Variants in AMOTL1 observed in about 807,000 individuals in gnomAD.
The protein encoded by AMOTL1 is angiomotin-like protein 1.
In AMOTL1, 45 loss-of-function variants were observed where a neutral mutation model predicts 102.9. The ratio of observed to expected loss-of-function variants is 0.44; its 90% CI spans 0.34 to 0.56. The LOEUF is 0.56. AMOTL1 is among the 20% of genes least tolerant of loss of function. The pLI is 0.01. For missense variants in AMOTL1, 1,114 were observed against 1,225.6 expected (o/e 0.91, Z 1.36); for synonymous variants, 481 against 484.7 (o/e 0.99, Z 0.10).
At chr11:94,760,081 T>C (rs965035879) in intron 3 of AMOTL1, among the ~76,000 whole-genome samples, 1 of 152,190 alleles carries the variant, frequency 6.6e-6, no homozygotes, top group Non-Finnish European at 1.5e-5. Context: ...ACAGCTAAAG[T>C]TTAAGAACTA....
intron 1 of AMOTL1, among the ~76,000 whole-genome samples, chr11:94,771,726 G>A (rs188344723): frequency 6.6e-6 from 1 of 152,134 alleles, no homozygotes; most frequent in Admixed American, 6.5e-5. Flanking sequence ...CTGCTCTCAC[G>A]GCCAGGCCTT....
chr11:94,719,397 A>G (rs1209369679), intron 1 of AMOTL1, among the ~76,000 whole-genome samples: 1 of 152,102 alleles, frequency 6.6e-6, no homozygotes, highest in Non-Finnish European at 1.5e-5. Context: ...TATAATGTAC[A>G]TTATATGAGT....
intron 1 of AMOTL1, among the ~76,000 whole-genome samples, chr11:94,768,851 C>T (rs1290923602): frequency 1.3e-5 from 2 of 151,924 alleles, no homozygotes; most frequent in African/African-American, 4.8e-5. Context: ...GCGGGGCTGG[C>T]CTTTCCTGAG....
At chr11:94,844,328 T>C (rs1360846946) in intron 6 of AMOTL1, among the ~76,000 whole-genome samples, 6 of 152,144 alleles carry the variant, frequency 3.9e-5, no homozygotes, top group East Asian at 1.9e-4. Context: ...TCTCTCTCTC[T>C]CCCTTCCTTT....
intron 2 of AMOTL1, among the ~76,000 whole-genome samples, chr11:94,739,914 A>G (rs1950492544): frequency 6.6e-6 from 1 of 152,178 alleles, no homozygotes; most frequent in Non-Finnish European, 1.5e-5. Context: ...TAGAATTTAC[A>G]GTTCTCAGAG....
At chr11:94,797,228 G>T (rs1265244755) in intron 2 of AMOTL1, among the ~76,000 whole-genome samples, 1 of 152,194 alleles carries the variant, frequency 6.6e-6, no homozygotes, top group Non-Finnish European at 1.5e-5. Flanking sequence ...GGTTTATAGA[G>T]GAGGATATTG....
intron 1 of AMOTL1, among the ~76,000 whole-genome samples, chr11:94,782,728 T>A (rs1268545849): frequency 6.6e-6 from 1 of 152,230 alleles, no homozygotes; most frequent in Non-Finnish European, 1.5e-5. Flanking sequence ...TAAAATACGC[T>A]TTCTTTTGCC....
upstream of AMOTL1, among the ~76,000 whole-genome samples, chr11:94,766,157 C>A (rs946396303): frequency 6.6e-6 from 1 of 152,192 alleles, no homozygotes; most frequent in African/African-American, 2.4e-5. Context: ...TTCTTTATGA[C>A]ATCTGGTATC....
chr11:94,755,311 A>G (rs1350059640), intron 3 of AMOTL1, among the ~76,000 whole-genome samples: 1 of 152,152 alleles, frequency 6.6e-6, no homozygotes, highest in Non-Finnish European at 1.5e-5. Flanking sequence ...TTCTTTTAGC[A>G]GAAGCTCATG....
At chr11:94,860,528 C>G (rs894203355) in intron 9 of AMOTL1, among the ~76,000 whole-genome samples, 1 of 152,210 alleles carries the variant, frequency 6.6e-6, no homozygotes, top group Non-Finnish European at 1.5e-5. Flanking sequence ...GCAAGGCACT[C>G]TTGACCTTTG....
Position 94,717,388 on chromosome 11 carries a change from A to T in AMOTL1, c.-51+10791A>T, listed in dbSNP as rs572694553. Among the ~76,000 whole-genome samples the T allele has an allele frequency of 1.2e-4, 18 of 149,980 alleles. No individual in the cohort carries two copies. In the East Asian group the frequency reaches 2.7e-3, roughly 23 times the overall value. The stretch of plus-strand genomic sequence containing the variant: ...AGATAATTAAAGCATGTCAGAAAAT[A>T]TAATTATTAAAGTATGGGTACAAAA... On this transcript the variant is annotated intron_variant, in intron 1 of 4. Coordinates refer to the AMOTL1 transcript ENST00000299004.
intron 3 of AMOTL1, among the ~76,000 whole-genome samples, chr11:94,758,047 G>A (rs1474091805): frequency 6.6e-6 from 1 of 152,204 alleles, no homozygotes; most frequent in African/African-American, 2.4e-5. Flanking sequence ...GGGCAATAGA[G>A]TGAGACTCCA....
At chr11:94,707,497 T>C (rs1206470762) in intron 1 of AMOTL1, among the ~76,000 whole-genome samples, 1 of 152,164 alleles carries the variant, frequency 6.6e-6, no homozygotes, top group Non-Finnish European at 1.5e-5. Context: ...TGTTGAGAAT[T>C]GCAGAGCCCT....
intron 9 of AMOTL1, among the ~76,000 whole-genome samples, chr11:94,863,363 C>T (rs534730054): frequency 3.3e-5 from 5 of 151,524 alleles, no homozygotes; most frequent in South Asian, 2.1e-4. Context: ...GAGGCTGAGG[C>T]GGGTGAATCA....
At chr11:94,832,015 A>G (rs1042911747) in intron 6 of AMOTL1, among the ~76,000 whole-genome samples, 2 of 152,214 alleles carry the variant, frequency 1.3e-5, no homozygotes, top group African/African-American at 4.8e-5. Flanking sequence ...TGTAACACTC[A>G]TTTCCAGAAG....
intron 1 of AMOTL1, among the ~76,000 whole-genome samples, chr11:94,788,136 G>A (rs1951222832): frequency 6.6e-6 from 1 of 152,148 alleles, no homozygotes; most frequent in South Asian, 2.1e-4. Context: ...GTTGGCTTCT[G>A]TAATGGAAGG....
At chr11:94,768,603 T>C in intron 1 of AMOTL1, 43 bp downstream of exon 1, 1 of 1,564,784 alleles carries the variant, frequency 6.4e-7, no homozygotes, top group South Asian at 1.2e-5. Flanking sequence ...CGTCTCCGAG[T>C]CTCCCACGCG....
At chr11:94,851,102 C>T (rs992033471) in intron 7 of AMOTL1, among the ~76,000 whole-genome samples, 2 of 152,182 alleles carry the variant, frequency 1.3e-5, no homozygotes, top group Admixed American at 6.5e-5. Flanking sequence ...TAGAAACTAC[C>T]ATTTTAATAC....
intron 6 of AMOTL1, among the ~76,000 whole-genome samples, chr11:94,834,366 T>A (rs1247001931): frequency 1.3e-5 from 2 of 152,048 alleles, no homozygotes; most frequent in African/African-American, 4.8e-5. Context: ...GGCAGGTGGA[T>A]CACGAGGTCA....
Sources: gnomAD v4.1 joint callset for allele counts (sites outside exome capture counted in the v4.1 genomes callset) on GRCh38, gnomAD v4.1.1 for gene constraint, MANE v1.5 for transcripts, NCBI Gene and HGNC (gene_info 2026-07-23, HGNC 2026-07-21) for gene names.